The following SLC25A23 variants were observed in gnomAD, a reference collection of about 807,000 sequenced individuals.
SLC25A23 encodes the protein solute carrier family 25 member 23.
In SLC25A23, 32 loss-of-function variants were observed where a neutral mutation model predicts 53.9. That is an observed-to-expected ratio of 0.59 (90% CI 0.45 to 0.80). The LOEUF (loss-of-function observed/expected upper bound fraction) is 0.80, where lower values mean the gene tolerates loss of function less well. SLC25A23 is among the 30% of genes least tolerant of loss of function. The pLI, the probability that SLC25A23 is intolerant of heterozygous loss-of-function variation, is 0.00. For synonymous variants in SLC25A23, 275 were observed against 264.5 expected, an observed-to-expected ratio of 1.04 and a Z score of -0.38; for missense variants, 575 against 651.4, an observed-to-expected ratio of 0.88 and a Z score of 1.28.
At chr19:6,457,770 G>T (rs1200458378) in intron 2 of SLC25A23, among the ~76,000 whole-genome samples, 180 bp from the exon 3 acceptor site, 1 of 151,946 alleles carries the variant, frequency 6.6e-6, no homozygotes, top group Non-Finnish European at 1.5e-5. Flanking sequence ...GGGTCAGAGA[G>T]GTGGAACTGG....
At chr19:6,445,521 C>G (rs1356572872) in intron 8 of SLC25A23, among the ~76,000 whole-genome samples, 1 of 152,120 alleles carries the variant, frequency 6.6e-6, no homozygotes, top group Non-Finnish European at 1.5e-5. Context: ...GGACCACAAG[C>G]CAAGGAGTGC....
At chr19:6,453,259 G>A (rs1276687386) in intron 7 of SLC25A23, among the ~76,000 whole-genome samples, 1 of 31,668 alleles carries the variant, frequency 3.2e-5, no homozygotes, top group African/African-American at 7.5e-5. Flanking sequence ...TTTTTTTTTT[G>A]AGCTGGAGTC....
In SLC25A23 at chr19:6,459,578, C is replaced by T; in HGVS notation, c.51G>A (p.Leu17=). 6.4e-7 allele frequency: 1 copy of T among 1,568,644 alleles called. No homozygotes were observed. Among genetic ancestry groups the T allele is most frequent in the Non-Finnish European group, 8.6e-7 (1 of 1,164,530 alleles). The change falls in exon 1 of 10, where the codon CTG becomes CTA. Residue 17 remains leucine (L), a synonymous_variant. Transcript: ENST00000301454. This position sits in a 1 kb window ranked among gnomAD's most constrained non-coding sequence, Gnocchi z 4.6. The part of the protein sequence containing the change: ...DAERRQRWGR[L]FEELDSNKDG... ...CCTTGTTACTGTCCAGCTCCTCGAA[C>T]AGGCGACCCCAGCGCTGCCGCCGCT...
In SLC25A23 at chr19:6,441,951, T is replaced by C. The variant is rs375440172; in HGVS notation, c.*24A>G. 65 of 1,606,406 alleles carry C rather than the reference T, an allele frequency of 4.0e-5. No homozygotes were observed. Among genetic ancestry groups the C allele is most frequent in the Non-Finnish European group, 5.0e-5 (59 of 1,175,736 alleles). On this transcript the variant is annotated 3_prime_UTR_variant, in exon 10 of 10. Coordinates refer to ENST00000301454, the MANE Select transcript of SLC25A23 (RefSeq NM_024103.3). ...TGGCTGAGGTGTGGGGGGTGAGGGA[T>C]TGGGGGGACGGGCTCCGGGTCCCTC...
Position 6,442,177 on chromosome 19 carries a change from GGGC to G in SLC25A23, c.1223-21_1223-19del. On this transcript the variant is annotated intron_variant, in intron 9 of 9. Transcript: ENST00000301454. Reference sequence around the variant, plus strand: ...GATGGAGGCTGGGAGGGGGCGGGGGGGGCACCAGGTAAGGCCAACGTTCCCCTT... The same window carrying G: ...GATGGAGGCTGGGAGGGGGCGGGGGGACCAGGTAAGGCCAACGTTCCCCTT... 1 of 1,476,040 alleles carries G rather than the reference GGGC, an allele frequency of 6.8e-7. No individual in the cohort carries two copies. Among genetic ancestry groups the G allele is most frequent in the Non-Finnish European group, 9.1e-7 (1 of 1,103,604 alleles). The allele number at this position is 1,476,040 out of a possible 1,614,324, so 91.4% of individuals were successfully genotyped here. A position where few individuals can be genotyped will look rare whatever the true frequency, so the allele number is the denominator to read the frequency against.
Position 6,442,171 on chromosome 19 carries a change from CGGGG to C in SLC25A23, c.1223-16_1223-13del. On this transcript the variant is annotated splice_polypyrimidine_tract_variant and intron_variant, in intron 9 of 9. Transcript: ENST00000301454. ...ACCCTCGATGGAGGCTGGGAGGGGG[CGGGG>C]GGGGCACCAGGTAAGGCCAACGTTC... is the stretch of plus-strand genomic sequence containing the variant. 1.7e-6 allele frequency: 1 copy of C among 597,874 alleles called. No individual in the cohort carries two copies. The highest frequency in any genetic ancestry group is 2.6e-6 in the Non-Finnish European group (1 of 384,756). The allele number at this position is 597,874 out of a possible 1,614,324, so 37.0% of individuals were successfully genotyped here. A position where few individuals can be genotyped will look rare whatever the true frequency, so the allele number is the denominator to read the frequency against.
At chr19:6,450,787 C>CA (rs1213072837) in intron 8 of SLC25A23, among the ~76,000 whole-genome samples, 1 of 151,846 alleles carries the variant, frequency 6.6e-6, no homozygotes, top group African/African-American at 2.4e-5. Flanking sequence ...GTCCCTTGTT[C>CA]AAAAATTATT....
chr19:6,443,699 A>G, intron 9 of SLC25A23: 1 of 688,012 alleles, frequency 1.5e-6, no homozygotes, highest in East Asian at 2.7e-5. Flanking sequence ...AATTCTCAAG[A>G]AAATTCTCAA....
At chr19:6,457,060 T>C (rs1400409452) in intron 3 of SLC25A23, among the ~76,000 whole-genome samples, 1 of 141,612 alleles carries the variant, frequency 7.1e-6, no homozygotes, top group African/African-American at 2.8e-5. Flanking sequence ...TTTGAATTTT[T>C]CTTTCTTTTT....
At chr19:6,439,413 A>T (rs1031279723), downstream of SLC25A23, among the ~76,000 whole-genome samples, 1 of 151,276 alleles carries the variant, frequency 6.6e-6, no homozygotes, top group Admixed American at 6.6e-5. Context: ...ACACACACAC[A>T]CACACACACA....
Position 6,452,392 on chromosome 19 carries a change from G to C in SLC25A23, c.991C>G (p.Pro331Ala). The change falls in exon 8 of 10, where the codon CCC becomes GCC. Residue 331 changes from proline to alanine, a missense_variant. Pro to Ala is a conservative substitution (Grantham distance 27, BLOSUM62 -1). Transcript: ENST00000301454. Reference sequence around the variant, plus strand: ...AGGTAGCCGCGGTAGAAGGCACGGGGCCCCTCCCTCTCCAGGATACGCCTG... The same window carrying C: ...AGGTAGCCGCGGTAGAAGGCACGGGCCCCCTCCCTCTCCAGGATACGCCTG... The part of the protein sequence containing the change: ...CARRILEREG[P>A]RAFYRGYLPN... The C allele has an allele frequency of 6.2e-7, 1 of 1,613,750 alleles. No homozygotes were observed. The highest frequency in any genetic ancestry group is 8.5e-7 in the Non-Finnish European group (1 of 1,179,896).
intron 9 of SLC25A23, among the ~76,000 whole-genome samples, chr19:6,442,831 G>T (rs111736649): frequency 0.17 from 26,265 of 151,762 alleles, 3,001 homozygotes; most frequent in Middle Eastern, 0.27. Context: ...GATTACAGGC[G>T]TGAACCACCA....
At position 6,449,941 on chromosome 19, in the gene SLC25A23, G is replaced by A. The variant is rs989340387; in HGVS notation, c.1071+2371C>T. Among the ~76,000 whole-genome samples, 10 of 142,332 alleles carry A rather than the reference G, an allele frequency of 7.0e-5. No individual in the cohort carries two copies. The East Asian group carries it at 1.4e-3, about 21-fold the overall frequency. 93.4% of individuals were successfully genotyped at this position (142,332 alleles called of 152,430 possible). A position where few individuals can be genotyped will look rare whatever the true frequency, so the allele number is the denominator to read the frequency against. On this transcript the variant is annotated intron_variant, in intron 8 of 9. Transcript: ENST00000301454. ...GAACTCGGCTCACTGCAACCCCCAT[G>A]CCCCGCCCTGGGTTCAAGCGATTCT...
intron 8 of SLC25A23, among the ~76,000 whole-genome samples, chr19:6,445,790 G>A (rs548892918): frequency 5.9e-5 from 9 of 152,202 alleles, no homozygotes; most frequent in African/African-American, 1.9e-4. Context: ...GGTGACTCAC[G>A]CCTGTAATCC....
At chr19:6,438,749 T>A (rs1437445057), downstream of SLC25A23, 1 of 316,164 alleles carries the variant, frequency 3.2e-6, no homozygotes, top group Admixed American at 3.2e-5. Flanking sequence ...CTCTGGAGGC[T>A]GAGGCAGGAG....
chr19:6,442,501 G>T (rs2092437182), intron 9 of SLC25A23, among the ~76,000 whole-genome samples: 1 of 152,070 alleles, frequency 6.6e-6, no homozygotes, highest in African/African-American at 2.4e-5. Context: ...CTCCCCAGGG[G>T]ACTCCTCCTT....
downstream of SLC25A23, among the ~76,000 whole-genome samples, chr19:6,437,610 C>T (rs564736587): frequency 4.3e-4 from 66 of 151,834 alleles, no homozygotes; most frequent in South Asian, 0.013. Context: ...GAGTTCAAGA[C>T]CATCCTGGCT....
rs1200934995 is a variant in SLC25A23 at position 6,457,544 on chromosome 19, G to A, written c.330C>T (p.Gly110=). The A allele has an allele frequency of 1.9e-6, 3 of 1,614,078 alleles. No individual in the cohort carries two copies. Among genetic ancestry groups the A allele is most frequent in the Non-Finnish European group, 2.5e-6 (3 of 1,180,024 alleles). ...SEIQQSFRAL[G]ISISLEQAEK... is the part of the protein sequence containing the mutation. ...CAGCCTGCTCCAGCGAGATGGAAAT[G>A]CCCAGAGCTCGGAAACTCTGTTGGA... Residue 110 remains glycine, a synonymous_variant, in exon 3 of 10, where the codon GGC becomes GGT. Coordinates refer to ENST00000301454, the MANE Select transcript of SLC25A23 (RefSeq NM_024103.3).
chr19:6,453,986 T>C lies in SLC25A23; in HGVS notation c.898A>G (p.Met300Val), dbSNP rs201789561. The C allele has an allele frequency of 2.0e-5, 32 of 1,612,130 alleles. No individual in the cohort carries two copies. The highest frequency in any genetic ancestry group is 2.5e-5 in the Non-Finnish European group (30 of 1,179,226). The change falls in exon 7 of 10, where the codon ATG becomes GTG. Residue 300 changes from methionine (M) to valine (V), a missense_variant. Met to Val is a conservative substitution (Grantham distance 21, BLOSUM62 1). Transcript: ENST00000301454. ...GATAQTIIYP[M>V]EVLKTRLTLR... ...CTGGGGTCCCTCCTTCTCACCTCCA[T>C]AGGGTAAATGATGGTTTGGGCTGTG...
Sources: gnomAD v4.1 joint callset for allele counts (sites outside exome capture counted in the v4.1 genomes callset) on GRCh38, gnomAD v4.1.1 for gene constraint, Gnocchi (gnomAD v3.1) non-coding constraint, MANE v1.5 for transcripts, NCBI Gene and HGNC (gene_info 2026-07-23, HGNC 2026-07-21) for gene names.